Variants in DNAH3 observed in about 807,000 individuals in gnomAD.
DNAH3 encodes the protein axonemal beta dynein heavy chain 3.
In DNAH3, 332 loss-of-function variants were observed where a neutral mutation model predicts 432.5. That is an observed-to-expected ratio of 0.77 (90% confidence interval 0.70 to 0.84). DNAH3 has a LOEUF of 0.84. Among genes scored for constraint, DNAH3 ranks in the 40% least tolerant of loss-of-function variants. The pLI is 0.00. For synonymous variants in DNAH3, 1,956 were observed against 1,900.2 expected (o/e 1.03, Z -0.76); for missense variants, 4,861 against 5,114.0 (o/e 0.95, Z 1.51).
At chr16:21,042,157 T>G in exon 32 of DNAH3, 1 of 1,612,270 alleles carries the variant, frequency 6.2e-7, no homozygotes, top group Non-Finnish European at 8.5e-7. Context: ...AATGATGGCT[T>G]GTTGGATGCT....
intron 32 of DNAH3, among the ~76,000 whole-genome samples, chr16:21,040,764 C>T (rs543868046): frequency 2.0e-5 from 3 of 152,250 alleles, no homozygotes; most frequent in Admixed American, 2.0e-4. Context: ...AACAGACTAA[C>T]TTTACCCTCT....
chr16:20,980,170 A>AATAT (rs1156852259), intron 49 of DNAH3, among the ~76,000 whole-genome samples: 1 of 133,642 alleles, frequency 7.5e-6, no homozygotes, highest in Non-Finnish European at 1.6e-5. Context: ...TAGAAAAAAA[A>AATAT]ATATATATAT....
At position 21,115,721 on chromosome 16, in the gene DNAH3, T is replaced by TAAAATA. The variant is rs61092151; in HGVS notation, c.1814+1481_1814+1482insTATTTT. 6.5e-3 allele frequency among the ~76,000 whole-genome samples: 914 copies of TAAAATA among 141,014 alleles called. 6 individuals carry two copies. Among genetic ancestry groups the TAAAATA allele is most frequent in the African/African-American group, 0.018 (691 of 38,138 alleles). The allele number at this position is 141,014 out of a possible 152,430, so 92.5% of individuals were successfully genotyped here. A position where few individuals can be genotyped will look rare whatever the true frequency, so the allele number is the denominator to read the frequency against. On this transcript the variant is annotated intron_variant, in intron 12 of 61. Transcript: ENST00000261383. ...GATGCCATCTCAAAAAATAATAAAA[T>TAAAATA]AAATAAAATAAAATAAAATAAAATA...
At chr16:21,120,382 G>T (rs2092309233) in intron 11 of DNAH3, among the ~76,000 whole-genome samples, 2 of 152,146 alleles carry the variant, frequency 1.3e-5, no homozygotes, top group South Asian at 4.1e-4. Flanking sequence ...TTATAGGTGT[G>T]AGCCACCATG....
intron 7 of DNAH3, chr16:21,130,091 G>GAAAAAAAAAAAAA (rs58706051): frequency 2.8e-4 from 22 of 79,072 alleles, no homozygotes; most frequent in East Asian, 3.6e-4. Flanking sequence ...CTAAATAAAT[G>GAAAAAAAAAAAAA]AAAAAAAAAA....
chr16:21,099,051 G>A (rs1235056911), intron 16 of DNAH3, among the ~76,000 whole-genome samples: 4 of 152,164 alleles, frequency 2.6e-5, no homozygotes, highest in African/African-American at 4.8e-5. Context: ...AGGTAAATAC[G>A]TATAAGATAT....
intron 37 of DNAH3, 115 bp downstream of exon 37, chr16:21,030,930 T>C: frequency 9.3e-7 from 1 of 1,078,352 alleles, no homozygotes; most frequent in South Asian, 1.5e-5. Context: ...TCTTAATGTA[T>C]ACAGAATACA....
At chr16:21,054,656 C>G in intron 27 of DNAH3, 122 bp from the exon 28 acceptor site, 2 of 672,232 alleles carry the variant, frequency 3.0e-6, no homozygotes, top group Non-Finnish European at 5.1e-6. Context: ...TGTCATCCCT[C>G]AAGTCCAACT....
chr16:21,000,134 T>G, intron 43 of DNAH3, 90 bp downstream of exon 43: 2 of 1,361,682 alleles, frequency 1.5e-6, no homozygotes, highest in Non-Finnish European at 2.0e-6. Flanking sequence ...AGTAAAGGTA[T>G]GTACAGTGGC....
chr16:21,054,407 C>G lies in DNAH3; in HGVS notation c.4039+13G>C. 1 of 1,592,342 alleles carries G rather than the reference C, an allele frequency of 6.3e-7. No homozygotes were observed. Among genetic ancestry groups the G allele is most frequent in the Non-Finnish European group, 8.6e-7 (1 of 1,160,498 alleles). The stretch of plus-strand genomic sequence containing the variant: ...GGATAGTCAGTAATGACAGGGGAAG[C>G]CCCCTGGCTTACCGTGGACATCGAT... On this transcript the variant is annotated intron_variant, in intron 28 of 61. Transcript: ENST00000261383.
At position 21,134,246 on chromosome 16, in the gene DNAH3, A is replaced by T; in HGVS notation, c.1082+13T>A. Reference sequence around the variant, plus strand: ...AAGAAAGGGAATGAAAAAAAAAGGGAGGGACTTCTTACTCTGCAAACCACA... The same window carrying T: ...AAGAAAGGGAATGAAAAAAAAAGGGTGGGACTTCTTACTCTGCAAACCACA... On this transcript the variant is annotated intron_variant, in intron 7 of 61. Transcript: ENST00000261383. The T allele has an allele frequency of 6.3e-7, 1 of 1,595,292 alleles. No individual in the cohort carries two copies. Among genetic ancestry groups the T allele is most frequent in the Non-Finnish European group, 8.5e-7 (1 of 1,171,606 alleles).
At chr16:21,119,794 C>CA (rs1371875953) in intron 11 of DNAH3, among the ~76,000 whole-genome samples, 2 of 151,730 alleles carry the variant, frequency 1.3e-5, no homozygotes, top group Non-Finnish European at 2.9e-5. Context: ...GACGGGGTTT[C>CA]ACCATGTTGG....
intron 20 of DNAH3, among the ~76,000 whole-genome samples, chr16:21,080,651 G>A (rs1482454515): frequency 6.6e-6 from 1 of 152,152 alleles, no homozygotes; most frequent in Non-Finnish European, 1.5e-5. Context: ...TTGATTATGT[G>A]GGTTGGGTGG....
At chr16:20,987,067 A>G (rs2152672565) in intron 47 of DNAH3, among the ~76,000 whole-genome samples, 1 of 152,318 alleles carries the variant, frequency 6.6e-6, no homozygotes, top group East Asian at 1.9e-4. Context: ...TGAACTTAAA[A>G]TGCATGTTAA....
At chr16:21,011,749 A>T (rs913707160) in intron 41 of DNAH3, among the ~76,000 whole-genome samples, 1 of 152,136 alleles carries the variant, frequency 6.6e-6, no homozygotes, top group African/African-American at 2.4e-5. Context: ...ACTTTAAATG[A>T]AGCAGGAACA....
chr16:21,126,428 C>T (rs184779149), intron 8 of DNAH3, among the ~76,000 whole-genome samples: 4 of 152,288 alleles, frequency 2.6e-5, no homozygotes, highest in African/African-American at 9.6e-5. Flanking sequence ...AAAGAAAACC[C>T]ATCTGCAGGT....
At chr16:21,120,249 G>A (rs866948129) in intron 11 of DNAH3, among the ~76,000 whole-genome samples, 6 of 151,490 alleles carry the variant, frequency 4.0e-5, no homozygotes, top group South Asian at 2.1e-4. Context: ...GACTACAGAC[G>A]TGTGCCACCA....
In DNAH3 at chr16:20,968,138, G is replaced by T. The variant is rs576277848; in HGVS notation, c.8458+1654C>A. ...AGCTAAAGATCAGTGGCAGGATCACGGCTCACTGCAGCCTCAACCTCCCAG... is the reference window on the plus strand; with the variant it reads ...AGCTAAAGATCAGTGGCAGGATCACTGCTCACTGCAGCCTCAACCTCCCAG... On this transcript the variant is annotated intron_variant, in intron 52 of 61. Transcript: ENST00000261383. 2.0e-5 allele frequency among the ~76,000 whole-genome samples: 3 copies of T among 152,110 alleles called. No individual in the cohort carries two copies. In the East Asian group the frequency reaches 5.8e-4, roughly 29 times the overall value.
rs189034125 is a variant in DNAH3, at chr16:21,081,860, G to C, written c.2878-133C>G. On this transcript the variant is annotated intron_variant, in intron 19 of 61. Transcript: ENST00000261383. ...CAGCCACGAGTGGCAGGTGGCTGTT[G>C]AGCACCAGAGATGTGGCTAGTGTGA... is the stretch of plus-strand genomic sequence containing the variant. The C allele has an allele frequency of 4.4e-5, 27 of 610,754 alleles. No homozygotes were observed. In the East Asian group the frequency reaches 6.2e-4, roughly 14 times the overall value. 37.8% of individuals were successfully genotyped at this position (610,754 alleles called of 1,614,324 possible). A position where few individuals can be genotyped will look rare whatever the true frequency, so the allele number is the denominator to read the frequency against.
Sources: allele counts gnomAD v4.1 joint callset (sites outside exome capture counted in the v4.1 genomes callset), GRCh38; gene constraint gnomAD v4.1.1; transcripts MANE v1.5; gene names NCBI Gene and HGNC (gene_info 2026-07-23, HGNC 2026-07-21).